Variants in RALYL observed in about 807,000 individuals in gnomAD.
The protein encoded by RALYL is RNA-binding Raly-like protein.
RALYL carries 29 observed loss-of-function variants against 35.1 expected under a neutral mutation model. That is an observed-to-expected ratio of 0.83 (90% CI 0.61 to 1.13). The LOEUF (loss-of-function observed/expected upper bound fraction) is 1.13, where lower values mean the gene tolerates loss of function less well. Ranked by LOEUF, RALYL falls within the 50% of genes most tolerant of loss-of-function variation. The pLI is 0.00. For synonymous variants in RALYL, 120 were observed against 127.6 expected (o/e 0.94, Z 0.40); for missense variants, 359 against 360.4 (o/e 1.00, Z 0.03).
At chr8:84,335,355 C>T (rs1013310401) in intron 1 of RALYL, among the ~76,000 whole-genome samples, 2 of 152,130 alleles carry the variant, frequency 1.3e-5, no homozygotes, top group African/African-American at 4.8e-5. Flanking sequence ...ACTGCATGGC[C>T]AGTATTCACT....
chr8:84,318,333 A>G (rs1174100931), intron 1 of RALYL, among the ~76,000 whole-genome samples: 1 of 152,206 alleles, frequency 6.6e-6, no homozygotes, highest in Non-Finnish European at 1.5e-5. Context: ...TTTAATATGA[A>G]CTAAATGTTA....
chr8:84,841,887 G>C (rs1833461937), intron 4 of RALYL, among the ~76,000 whole-genome samples: 1 of 152,196 alleles, frequency 6.6e-6, no homozygotes, highest in Non-Finnish European at 1.5e-5. Flanking sequence ...ATAATGAAAT[G>C]AAAGCAGAAA....
chr8:84,853,667 G>A (rs1030355346), intron 5 of RALYL, among the ~76,000 whole-genome samples: 2 of 152,168 alleles, frequency 1.3e-5, no homozygotes, highest in African/African-American at 2.4e-5. Flanking sequence ...ACTTGGCTAA[G>A]AAAGACATAA....
At chr8:84,481,635 A>G (rs1374723135) in intron 1 of RALYL, among the ~76,000 whole-genome samples, 1 of 152,184 alleles carries the variant, frequency 6.6e-6, no homozygotes, top group Non-Finnish European at 1.5e-5. Flanking sequence ...ACAACAGCAT[A>G]CTCGGCAATA....
At chr8:84,650,119 G>C (rs1480473882) in intron 2 of RALYL, among the ~76,000 whole-genome samples, 1 of 151,972 alleles carries the variant, frequency 6.6e-6, no homozygotes, top group African/African-American at 2.4e-5. Flanking sequence ...TGTGATTTTT[G>C]TACATTGATT....
At chr8:84,576,921 A>G (rs1457113121) in intron 2 of RALYL, among the ~76,000 whole-genome samples, 1 of 152,190 alleles carries the variant, frequency 6.6e-6, no homozygotes, top group Non-Finnish European at 1.5e-5. Context: ...ACTGTTGGTT[A>G]TTGACAGAAC....
chr8:84,823,677 C>A (rs1004212596), intron 4 of RALYL, among the ~76,000 whole-genome samples: 1 of 151,998 alleles, frequency 6.6e-6, no homozygotes, highest in Non-Finnish European at 1.5e-5. Context: ...TCCTTGACAC[C>A]TCTTTATTTT....
chr8:84,504,592 T>C (rs1426148951), intron 1 of RALYL, among the ~76,000 whole-genome samples: 2 of 152,142 alleles, frequency 1.3e-5, no homozygotes, highest in Non-Finnish European at 2.9e-5. Context: ...AGGGAATGGC[T>C]AATCAAATAA....
intron 1 of RALYL, among the ~76,000 whole-genome samples, chr8:84,467,940 G>C (rs1331070225): frequency 5.1e-5 from 7 of 138,296 alleles, no homozygotes; most frequent in African/African-American, 1.9e-4. Context: ...TTTAAAGTCT[G>C]TTTTATCAGA....
At chr8:84,267,539 G>A (rs941616184) in intron 1 of RALYL, among the ~76,000 whole-genome samples, 6 of 152,044 alleles carry the variant, frequency 3.9e-5, no homozygotes, top group African/African-American at 1.4e-4. Context: ...CTCAAATAAT[G>A]TTTACTAAAT....
At chr8:84,754,791 G>A (rs563383120) in intron 2 of RALYL, among the ~76,000 whole-genome samples, 15 of 152,282 alleles carry the variant, frequency 9.9e-5, no homozygotes, top group African/African-American at 3.1e-4. Context: ...CCATGCGGTA[G>A]GTCTTGTGGG....
chr8:84,507,760 G>A (rs2057297859), intron 1 of RALYL, among the ~76,000 whole-genome samples: 1 of 152,132 alleles, frequency 6.6e-6, no homozygotes, highest in South Asian at 2.1e-4. Flanking sequence ...TGTGGACACT[G>A]TTGTCAATAA....
At chr8:84,294,245 G>A (rs73304884) in intron 1 of RALYL, among the ~76,000 whole-genome samples, 3,084 of 152,174 alleles carry the variant, frequency 0.02, 114 homozygotes, top group African/African-American at 0.07. Flanking sequence ...TGGTGCTGAA[G>A]TAGAAAAAAA....
intron 2 of RALYL, among the ~76,000 whole-genome samples, chr8:84,630,415 A>G (rs533216585): frequency 6.6e-6 from 1 of 152,018 alleles, no homozygotes; most frequent in East Asian, 1.9e-4. Context: ...ACAAGAAGAA[A>G]CCCTATATTC....
At chr8:84,324,503 A>T (rs1586288392) in intron 1 of RALYL, among the ~76,000 whole-genome samples, 2 of 152,170 alleles carry the variant, frequency 1.3e-5, no homozygotes, top group South Asian at 4.1e-4. Context: ...CAATATATTG[A>T]GAACCCATTC....
At chr8:84,426,555 C>A (rs1446017507) in intron 1 of RALYL, among the ~76,000 whole-genome samples, 1 of 151,772 alleles carries the variant, frequency 6.6e-6, no homozygotes, top group Non-Finnish European at 1.5e-5. Flanking sequence ...ATAATGTACT[C>A]CAGGCCTATC....
chr8:84,661,180 G>C (rs879711934), intron 2 of RALYL, among the ~76,000 whole-genome samples: 1 of 151,798 alleles, frequency 6.6e-6, no homozygotes, highest in South Asian at 2.1e-4. Context: ...CTCCCACCTC[G>C]GCCTCCCAAA....
At chr8:84,877,515 C>T (rs563841401) in intron 7 of RALYL, among the ~76,000 whole-genome samples, 4 of 151,064 alleles carry the variant, frequency 2.6e-5, no homozygotes, top group African/African-American at 4.8e-5. Context: ...TATATATATA[C>T]ACATATACGC....
chr8:84,243,901 T>G (rs1017498276), intron 1 of RALYL, among the ~76,000 whole-genome samples: 2 of 152,180 alleles, frequency 1.3e-5, no homozygotes, highest in Admixed American at 6.5e-5. Flanking sequence ...CACCCTCTCT[T>G]TGGCATTTCC....
Sources: allele counts gnomAD v4.1 joint callset (sites outside exome capture counted in the v4.1 genomes callset), GRCh38; gene constraint gnomAD v4.1.1; transcripts MANE v1.5; gene names NCBI Gene and HGNC (gene_info 2026-07-23, HGNC 2026-07-21).